Variants in SH3BGRL observed in about 807,000 individuals in gnomAD.
The protein encoded by SH3BGRL is adapter SH3BGRL.
In SH3BGRL, 7 loss-of-function variants were observed where a neutral mutation model predicts 9.8. That is an observed-to-expected ratio of 0.72 (90% CI 0.41 to 1.35). The LOEUF is 1.35. Among genes scored for constraint, SH3BGRL ranks in the 40% most tolerant of loss-of-function variants. SH3BGRL has a pLI of 0.01. For synonymous variants in SH3BGRL, 36 were observed against 29.1 expected (o/e 1.24, Z -0.76); for missense variants, 73 against 84.4 (o/e 0.86, Z 0.53).
intron 1 of SH3BGRL, among the ~76,000 whole-genome samples, chrX:81,254,996 TCTC>T (rs1228810012): frequency 9.1e-6 from 1 of 109,294 alleles, no homozygotes; most frequent in Non-Finnish European, 1.9e-5. Context: ...TTCAAGCGAT[TCTC>T]CTGCCTCAGC....
intron 1 of SH3BGRL, among the ~76,000 whole-genome samples, chrX:81,220,777 A>G (rs746496988): frequency 3.6e-5 from 4 of 109,851 alleles, no homozygotes; most frequent in Non-Finnish European, 7.6e-5. Context: ...ATTTTTTACT[A>G]TATATTTCAC....
chrX:81,277,672 A>G (rs1224989596), intron 2 of SH3BGRL, among the ~76,000 whole-genome samples: 1 of 112,338 alleles, frequency 8.9e-6, no homozygotes, highest in Non-Finnish European at 1.9e-5. Context: ...TGGTGAATGG[A>G]AACAACAGTG....
At chrX:81,253,497 G>A (rs1349996913) in intron 1 of SH3BGRL, among the ~76,000 whole-genome samples, 1 of 111,370 alleles carries the variant, frequency 9.0e-6, no homozygotes, top group African/African-American at 3.3e-5. Context: ...GGAATTACAA[G>A]CGTGAGCCAC....
intron 1 of SH3BGRL, among the ~76,000 whole-genome samples, chrX:81,265,251 C>T (rs1439712176): frequency 9.5e-6 from 1 of 104,732 alleles, no homozygotes; most frequent in Non-Finnish European, 1.9e-5. Context: ...GTTACATGTG[C>T]AGAACGTGCA....
chrX:81,247,690 G>T (rs759154022), intron 1 of SH3BGRL, among the ~76,000 whole-genome samples: 15 of 111,248 alleles, frequency 1.3e-4, no homozygotes, highest in Admixed American at 1.9e-4. Flanking sequence ...TTTCTGTCGT[G>T]CTTTTGGACT....
At chrX:81,227,016 G>A (rs1316658794) in intron 1 of SH3BGRL, among the ~76,000 whole-genome samples, 1 of 112,212 alleles carries the variant, frequency 8.9e-6, no homozygotes, top group Non-Finnish European at 1.9e-5. Context: ...TTATCCTTGT[G>A]CAGTTCACTT....
intron 1 of SH3BGRL, among the ~76,000 whole-genome samples, chrX:81,218,962 C>T (rs185838423): frequency 1.6e-4 from 17 of 109,369 alleles, no homozygotes; most frequent in Admixed American, 1.5e-3. Flanking sequence ...TTGCAGGATA[C>T]GAAATCAACA....
chrX:81,219,702 T>G (rs1409461413), intron 1 of SH3BGRL, among the ~76,000 whole-genome samples: 1 of 111,527 alleles, frequency 9.0e-6, no homozygotes, highest in Non-Finnish European at 1.9e-5. Context: ...GTGTACCAGA[T>G]TTAGAGGAAA....
intron 1 of SH3BGRL, among the ~76,000 whole-genome samples, chrX:81,270,918 TG>T (rs1243173917): frequency 9.0e-6 from 1 of 111,632 alleles, no homozygotes; most frequent in Non-Finnish European, 1.9e-5. Context: ...TTGTTTACAT[TG>T]TGAGCATGGA....
chrX:81,230,341 A>C (rs917806525), intron 1 of SH3BGRL, among the ~76,000 whole-genome samples: 2 of 111,973 alleles, frequency 1.8e-5, no homozygotes, highest in Admixed American at 9.5e-5. Flanking sequence ...TAAATGCATA[A>C]ATAAGTATGT....
chrX:81,214,592 G>A (rs2075575809), intron 1 of SH3BGRL, among the ~76,000 whole-genome samples: 1 of 111,416 alleles, frequency 9.0e-6, no homozygotes, highest in African/African-American at 3.3e-5. Context: ...TTAATATTTG[G>A]AAATTGTGAC....
In SH3BGRL at chrX:81,222,846, C is replaced by G. The variant is rs2075604481; in HGVS notation, c.45+20601C>G. Reference sequence around the variant, plus strand: ...CTGTCCAGCACTTGTTGTTTCCTGACTTTTTAATGATTGTCATTCCAACTG... The same window carrying G: ...CTGTCCAGCACTTGTTGTTTCCTGAGTTTTTAATGATTGTCATTCCAACTG... On this transcript the variant is annotated intron_variant, in intron 1 of 3. Transcript: ENST00000373212. 2.7e-5 allele frequency among the ~76,000 whole-genome samples: 3 copies of G among 111,782 alleles called. No individual in the cohort carries two copies. The Admixed American group carries it at 2.8e-4, about 11-fold the overall frequency.
At chrX:81,236,827 G>T (rs2075649574) in intron 1 of SH3BGRL, among the ~76,000 whole-genome samples, 1 of 109,766 alleles carries the variant, frequency 9.1e-6, no homozygotes, top group African/African-American at 3.3e-5. Flanking sequence ...AAAAGAAAAT[G>T]ATCTTATCTG....
chrX:81,252,643 C>T (rs2075714468), intron 1 of SH3BGRL, among the ~76,000 whole-genome samples: 1 of 111,939 alleles, frequency 8.9e-6, no homozygotes, highest in Non-Finnish European at 1.9e-5. Context: ...AAAAAAATCT[C>T]ATAGTGTTTT....
intron 1 of SH3BGRL, among the ~76,000 whole-genome samples, chrX:81,249,198 G>A (rs1326999967): frequency 1.8e-5 from 2 of 112,437 alleles, no homozygotes; most frequent in Non-Finnish European, 3.8e-5. Context: ...GTCAAGAAAA[G>A]TCTCAGCTCA....
intron 1 of SH3BGRL, among the ~76,000 whole-genome samples, chrX:81,204,378 T>C (rs2075539414): frequency 8.9e-6 from 1 of 111,992 alleles, no homozygotes; most frequent in Non-Finnish European, 1.9e-5. Flanking sequence ...TTCAGTTTGC[T>C]GTACTAAAGT....
At chrX:81,214,030 T>C (rs1475342268) in intron 1 of SH3BGRL, among the ~76,000 whole-genome samples, 1 of 112,326 alleles carries the variant, frequency 8.9e-6, no homozygotes, top group Admixed American at 9.5e-5. Context: ...GACAGGACTT[T>C]GCTGAATGTT....
intron 1 of SH3BGRL, among the ~76,000 whole-genome samples, chrX:81,238,226 T>C (rs2075654743): frequency 9.2e-6 from 1 of 109,047 alleles, no homozygotes. Flanking sequence ...TCTTGGATGG[T>C]ATTTCTGGAC....
chrX:81,205,121 A>G (rs1283886012), intron 1 of SH3BGRL, among the ~76,000 whole-genome samples: 2 of 111,562 alleles, frequency 1.8e-5, no homozygotes, highest in Non-Finnish European at 1.9e-5. Flanking sequence ...AGTAAATTAT[A>G]TTGGTAACTA....
Sources: gnomAD v4.1 joint callset for allele counts (sites outside exome capture counted in the v4.1 genomes callset) on GRCh38, gnomAD v4.1.1 for gene constraint, MANE v1.5 for transcripts, NCBI Gene and HGNC (gene_info 2026-07-23, HGNC 2026-07-21) for gene names.